Variants in ING5 observed in about 807,000 individuals in gnomAD.
ING5 encodes the protein inhibitor of growth protein 5.
A neutral mutation model predicts 37.4 loss-of-function variants in ING5; 17 were observed. That is an observed-to-expected ratio of 0.45 (90% CI 0.31 to 0.68). The LOEUF (loss-of-function observed/expected upper bound fraction) is 0.68. Among genes scored for constraint, ING5 ranks in the 30% least tolerant of loss-of-function variants. The pLI, the probability that ING5 is intolerant of heterozygous loss-of-function variation, is 0.05. For missense variants in ING5, 233 were observed against 311.9 expected (o/e 0.75, Z 1.91); for synonymous variants, 123 against 116.6 (o/e 1.06, Z -0.36).
chr2:241,706,208 C>T (rs2069905333), intron 2 of ING5, among the ~76,000 whole-genome samples: 1 of 152,158 alleles, frequency 6.6e-6, no homozygotes, highest in Admixed American at 6.6e-5. Flanking sequence ...TTCCTGGGAT[C>T]TCCTTTCACC....
chr2:241,690,521 A>AGGAGGGTCAG, exon 2 of ING5: 2 of 397,788 alleles, frequency 5.0e-6, no homozygotes, highest in Non-Finnish European at 8.9e-6. Flanking sequence ...GCGTGGGCAT[A>AGGAGGGTCAG]GGAGGGTCTG....
chr2:241,722,294 G>C (rs2070453118), intron 5 of ING5: 2 of 985,276 alleles, frequency 2.0e-6, no homozygotes, highest in African/African-American at 3.5e-5. Context: ...CGGGGTCTTT[G>C]GAGGGATGGC....
chr2:241,689,097 G>A lies in ING5; in HGVS notation c.-773-741G>A, dbSNP rs147408578. On this transcript the variant is annotated intron_variant, in intron 1 of 7. Transcript: ENST00000636051. ...ATTACAGGCGTGAGCCACTGCGCCC[G>A]GCCAATTTATTTTTTAATTTAATTT... Among the ~76,000 whole-genome samples, 151 of 148,554 alleles carry A rather than the reference G, an allele frequency of 1.0e-3. 1 individual carries two copies. The highest frequency in any genetic ancestry group is 3.4e-3 in the African/African-American group (138 of 40,314).
In ING5 at chr2:241,711,480, G is replaced by T. The variant is rs754232441; in HGVS notation, c.380G>T (p.Gly127Val). The T allele has an allele frequency of 1.9e-6, 3 of 1,597,740 alleles. No individual in the cohort carries two copies. The Admixed American group carries it at 5.4e-5, about 29-fold the overall frequency. Residue 127 changes from glycine (G) to valine (V), a missense_variant, in exon 4 of 8, where the codon GGG becomes GTG. Physicochemically the swap from Gly to Val is moderately radical, Grantham distance 109. Around this residue, in one of 4 missense-constraint regions of ING5, gnomAD observed 76 missense variants for 68.2 expected, o/e 1.11. Coordinates refer to ENST00000313552, the MANE Select transcript of ING5 (RefSeq NM_032329.6). ...GSDFESSGGR[G>V]LKKGRGQKEK... ...GATTTTGAAAGCTCCGGAGGGCGAGGGTTAAAAAGCAAGTCTGTTAATTTT... is the reference window on the plus strand; with the variant it reads ...GATTTTGAAAGCTCCGGAGGGCGAGTGTTAAAAAGCAAGTCTGTTAATTTT...
At chr2:241,717,696 C>CTTTTTTTTTTTTTTTTTTTTTTTT (rs371435124) in intron 5 of ING5, among the ~76,000 whole-genome samples, 1 of 134,516 alleles carries the variant, frequency 7.4e-6, no homozygotes, top group Admixed American at 7.4e-5. Context: ...TTGGTGGTTT[C>CTTTTTTTTTTTTTTTTTTTTTTTT]TTTTTTTTTT....
intron 5 of ING5, among the ~76,000 whole-genome samples, chr2:241,717,675 A>G (rs577770718): frequency 2.7e-5 from 4 of 149,984 alleles, no homozygotes; most frequent in Non-Finnish European, 5.9e-5. Context: ...AATTACTGAT[A>G]ATAATTATTT....
chr2:241,690,557 G>A (rs558375393), exon 2 of ING5: 4 of 398,470 alleles, frequency 1.0e-5, no homozygotes, highest in African/African-American at 2.1e-5. Context: ...AGTGTCCTTC[G>A]TACTGCCACT....
In ING5 at chr2:241,725,665, C is replaced by T. The variant is rs1469335012; in HGVS notation, c.*634C>T. The T allele has an allele frequency of 6.6e-6, 1 of 152,656 alleles. No homozygotes were observed. The highest frequency in any genetic ancestry group is 1.5e-5 in the Non-Finnish European group (1 of 68,046). 9.5% of individuals were successfully genotyped at this position (152,656 alleles called of 1,614,324 possible). A position where few individuals can be genotyped will look rare whatever the true frequency, so the allele number is the denominator to read the frequency against. On this transcript the variant is annotated 3_prime_UTR_variant, in exon 8 of 8. Transcript: ENST00000313552. ...CTTCAGTCCTCCCTCGGGGACTCAC[C>T]TCCGGAGTAAACGGCTCTTCATTAG... is the stretch of plus-strand genomic sequence containing the variant.
At position 241,702,070 on chromosome 2, in the gene ING5, C is replaced by G. The variant is rs914098587; in HGVS notation, c.5C>G (p.Ala2Gly). The change falls in exon 1 of 8, where the codon GCG becomes GGG. Residue 2 changes from alanine to glycine, a missense_variant. Physicochemically the swap from Ala to Gly is moderately conservative, Grantham distance 60. Coordinates refer to ENST00000313552, the MANE Select transcript of ING5 (RefSeq NM_032329.6). M[A>G]TAMYLEHYLD... ...CGAGCGCGGCCGCGGACGAAGATGG[C>G]GACCGCCATGTACTTGGAGCACTAT... The G allele has an allele frequency of 6.5e-6, 9 of 1,387,700 alleles. No homozygotes were observed. The highest frequency in any genetic ancestry group is 8.4e-6 in the Non-Finnish European group (9 of 1,065,598). The allele number at this position is 1,387,700 out of a possible 1,614,324, so 86.0% of individuals were successfully genotyped here.
chr2:241,692,067 AAAAAG>A (rs2069564860), intron 2 of ING5, among the ~76,000 whole-genome samples: 2 of 152,174 alleles, frequency 1.3e-5, no homozygotes, highest in South Asian at 4.1e-4. Context: ...AAAAATATAA[AAAAAG>A]AAAACCGTCA....
intron 5 of ING5, among the ~76,000 whole-genome samples, chr2:241,715,885 A>G (rs1454570233): frequency 1.3e-5 from 2 of 151,872 alleles, no homozygotes; most frequent in Non-Finnish European, 2.9e-5. Flanking sequence ...ATACCTTTCT[A>G]ATTTTAATTT....
intron 5 of ING5, chr2:241,719,859 C>T (rs781462282): frequency 1.2e-5 from 17 of 1,395,560 alleles, no homozygotes; most frequent in Admixed American, 3.1e-5. Context: ...CGCTGCCTGC[C>T]GTGCAGGTCC....
upstream of ING5, among the ~76,000 whole-genome samples, chr2:241,697,296 G>A (rs1390344902): frequency 4.0e-5 from 6 of 150,642 alleles, no homozygotes; most frequent in Non-Finnish European, 8.9e-5. Flanking sequence ...TTAGACAGGC[G>A]TGGTGTCGGG....
At chr2:241,717,563 T>C (rs1429879728) in intron 5 of ING5, among the ~76,000 whole-genome samples, 1 of 152,186 alleles carries the variant, frequency 6.6e-6, no homozygotes, top group Non-Finnish European at 1.5e-5. Flanking sequence ...TCTCTGAAAA[T>C]GCTTTTATTT....
At chr2:241,721,309 C>T (rs1370753195) in intron 5 of ING5, 17 of 985,300 alleles carry the variant, frequency 1.7e-5, no homozygotes, top group Middle Eastern at 5.2e-4. Flanking sequence ...AAAGCAGTGT[C>T]GGCAGCACCT....
intron 2 of ING5, among the ~76,000 whole-genome samples, chr2:241,695,935 C>A (rs1205118794): frequency 6.6e-6 from 1 of 152,130 alleles, no homozygotes; most frequent in Non-Finnish European, 1.5e-5. Flanking sequence ...GAGTATTCAG[C>A]TAAAAATGTA....
At chr2:241,715,096 C>T (rs1450660824) in intron 5 of ING5, among the ~76,000 whole-genome samples, 2 of 152,072 alleles carry the variant, frequency 1.3e-5, no homozygotes, top group Non-Finnish European at 2.9e-5. Flanking sequence ...TAATTATTAT[C>T]TTTGTTGCAC....
At chr2:241,698,112 A>G (rs2069656992), upstream of ING5, among the ~76,000 whole-genome samples, 1 of 150,112 alleles carries the variant, frequency 6.7e-6, no homozygotes, top group South Asian at 2.1e-4. Flanking sequence ...CACAAGGCAG[A>G]ATGAACCCTT....
exon 1 of ING5, chr2:241,687,739 G>A (rs1012978136): frequency 6.1e-6 from 1 of 163,176 alleles, no homozygotes; most frequent in Non-Finnish European, 1.3e-5. Context: ...GTGTTAGCCA[G>A]GATGGTCTTG....
Sources: allele counts gnomAD v4.1 joint callset (sites outside exome capture counted in the v4.1 genomes callset), GRCh38; gene constraint gnomAD v4.1.1; regional missense constraint gnomAD v4.1.1; transcripts MANE v1.5; gene names NCBI Gene and HGNC (gene_info 2026-07-23, HGNC 2026-07-21).